The following PDE11A variants were observed in gnomAD, a reference collection of about 807,000 sequenced individuals.
PDE11A encodes the protein dual 3',5'-cyclic-AMP and -GMP phosphodiesterase 11A.
A neutral mutation model predicts 100.5 loss-of-function variants in PDE11A; 100 were observed. That is an observed-to-expected ratio of 1.00 (90% CI 0.85 to 1.18). PDE11A has a LOEUF of 1.18. Among genes scored for constraint, PDE11A ranks in the 50% most tolerant of loss-of-function variants. The pLI, the probability that PDE11A is intolerant of heterozygous loss-of-function variation, is 0.00. For missense variants in PDE11A, 1,141 were observed against 1,152.6 expected (o/e 0.99, Z 0.15); for synonymous variants, 381 against 420.8 (o/e 0.91, Z 1.16).
intron 9 of PDE11A, among the ~76,000 whole-genome samples, chr2:177,795,229 T>C (rs2082688983): frequency 6.6e-6 from 1 of 152,180 alleles, no homozygotes; most frequent in Non-Finnish European, 1.5e-5. Flanking sequence ...GAGGAGTGTT[T>C]AGGGTGGGAC....
chr2:177,642,550 G>A (rs1036623549), intron 19 of PDE11A, among the ~76,000 whole-genome samples: 3 of 152,204 alleles, frequency 2.0e-5, no homozygotes, highest in African/African-American at 7.2e-5. Flanking sequence ...CCCTAGCAGA[G>A]TTTGTTAGTT....
chr2:177,862,086 T>C (rs544789973), intron 5 of PDE11A, among the ~76,000 whole-genome samples: 18 of 152,004 alleles, frequency 1.2e-4, no homozygotes, highest in Non-Finnish European at 1.9e-4. Context: ...CTAAAACTTT[T>C]GTGCTTCAAT....
chr2:177,683,339 G>A (rs1419304947), intron 15 of PDE11A: 1 of 152,266 alleles, frequency 6.6e-6, no homozygotes, highest in Admixed American at 6.5e-5. Flanking sequence ...AAGGGCCCAG[G>A]AACTCCTTCT....
At chr2:177,782,062 T>C (rs1210577481) in intron 9 of PDE11A, among the ~76,000 whole-genome samples, 1 of 152,242 alleles carries the variant, frequency 6.6e-6, no homozygotes, top group African/African-American at 2.4e-5. Context: ...GATGCATTCA[T>C]AAGGCTAAAT....
intron 4 of PDE11A, among the ~76,000 whole-genome samples, chr2:177,884,202 T>C (rs2084390748): frequency 1.3e-5 from 2 of 152,148 alleles, no homozygotes; most frequent in Admixed American, 6.5e-5. Flanking sequence ...ATAGTAATGA[T>C]AAAGAAATCT....
chr2:177,734,878 T>C (rs1277887233), intron 10 of PDE11A, among the ~76,000 whole-genome samples: 1 of 152,178 alleles, frequency 6.6e-6, no homozygotes, highest in Non-Finnish European at 1.5e-5. Flanking sequence ...AGCAGCCCCA[T>C]AGAAGGATAG....
At chr2:177,830,313 G>T (rs2083288259) in intron 6 of PDE11A, among the ~76,000 whole-genome samples, 1 of 152,088 alleles carries the variant, frequency 6.6e-6, no homozygotes, top group South Asian at 2.1e-4. Context: ...AATCAGTGTT[G>T]TTTTGGCTGG....
chr2:178,081,866 T>A (rs977053924), intron 2 of PDE11A, among the ~76,000 whole-genome samples: 1 of 152,266 alleles, frequency 6.6e-6, no homozygotes, highest in Non-Finnish European at 1.5e-5. Context: ...GACACCAAGG[T>A]TGAAGTCATT....
chr2:177,898,407 C>A (rs377161311), intron 3 of PDE11A, among the ~76,000 whole-genome samples: 15 of 152,226 alleles, frequency 9.9e-5, no homozygotes, highest in African/African-American at 3.6e-4. Context: ...GAGAATAGAG[C>A]TAGTTCTTGT....
intron 14 of PDE11A, among the ~76,000 whole-genome samples, chr2:177,699,333 T>C (rs1385424870): frequency 6.6e-6 from 1 of 152,170 alleles, no homozygotes; most frequent in African/African-American, 2.4e-5. Flanking sequence ...ACAGTAAAAA[T>C]ATGGCATTAT....
intron 1 of PDE11A, among the ~76,000 whole-genome samples, chr2:178,070,597 T>A (rs1047053187): frequency 1.3e-5 from 2 of 152,158 alleles, no homozygotes; most frequent in Non-Finnish European, 2.9e-5. Flanking sequence ...TCATATTCAG[T>A]GAATAAGTAC....
At chr2:177,928,281 A>G (rs894599037) in intron 2 of PDE11A, among the ~76,000 whole-genome samples, 4 of 152,150 alleles carry the variant, frequency 2.6e-5, no homozygotes, top group Non-Finnish European at 5.9e-5. Flanking sequence ...GGATCACTTG[A>G]AGCCAGGAGT....
intron 19 of PDE11A, among the ~76,000 whole-genome samples, chr2:177,649,368 A>G (rs2080273699): frequency 1.3e-5 from 2 of 152,052 alleles, no homozygotes; most frequent in African/African-American, 2.4e-5. Context: ...ATCAATGTCC[A>G]TAAATAAATA....
chr2:177,715,449 T>C (rs1205642480), intron 12 of PDE11A, among the ~76,000 whole-genome samples: 1 of 151,628 alleles, frequency 6.6e-6, no homozygotes, highest in East Asian at 1.9e-4. Flanking sequence ...AATGAAGAAA[T>C]TTACTAATCT....
At chr2:177,801,647 A>G (rs1205495334) in intron 9 of PDE11A, among the ~76,000 whole-genome samples, 2 of 152,162 alleles carry the variant, frequency 1.3e-5, no homozygotes, top group East Asian at 3.8e-4. Flanking sequence ...TCCCATGGAA[A>G]AAGAAGAACT....
At position 177,624,988 on chromosome 2, in the gene PDE11A, T is replaced by C. The variant is rs1251644450; in HGVS notation, c.*4419A>G. ...ATGAGGCTGAGGCAGGAAAGATCAC[T>C]TAAGTTGGAGAGGTCAAGGCTGCAG... On this transcript the variant is annotated 3_prime_UTR_variant, in exon 20 of 20. Transcript: ENST00000286063. 1 of 152,382 alleles carries C rather than the reference T, an allele frequency of 6.6e-6. No homozygotes were observed. Among genetic ancestry groups the C allele is most frequent in the African/African-American group, 2.4e-5 (1 of 41,452 alleles). The allele number at this position is 152,382 out of a possible 1,614,324, so 9.4% of individuals were successfully genotyped here. A position where few individuals can be genotyped will look rare whatever the true frequency, so the allele number is the denominator to read the frequency against.
At chr2:177,988,775 C>T (rs1169233111) in intron 2 of PDE11A, among the ~76,000 whole-genome samples, 1 of 152,100 alleles carries the variant, frequency 6.6e-6, no homozygotes, top group East Asian at 1.9e-4. Flanking sequence ...AAAGGATGAG[C>T]CAAGCTGAGG....
chr2:177,686,183 A>G (rs1411601099), intron 15 of PDE11A, among the ~76,000 whole-genome samples: 1 of 152,240 alleles, frequency 6.6e-6, no homozygotes. Context: ...CTGTCGTCCC[A>G]AGGTTTGATT....
chr2:178,067,042 C>T (rs1196745761), intron 1 of PDE11A, among the ~76,000 whole-genome samples: 3 of 152,320 alleles, frequency 2.0e-5, no homozygotes, highest in Non-Finnish European at 4.4e-5. Context: ...CACACTTCCT[C>T]ATATCTCCTG....
Sources: gnomAD v4.1 joint callset for allele counts (sites outside exome capture counted in the v4.1 genomes callset) on GRCh38, gnomAD v4.1.1 for gene constraint, MANE v1.5 for transcripts, NCBI Gene and HGNC (gene_info 2026-07-23, HGNC 2026-07-21) for gene names.